The following PAIP2B variants were observed in gnomAD, a reference collection of about 807,000 sequenced individuals.
PAIP2B encodes the protein poly(A) binding protein interacting protein 2B.
PAIP2B carries 13 observed loss-of-function variants against 17.0 expected under a neutral mutation model. That is an observed-to-expected ratio of 0.76 (90% CI 0.50 to 1.22). PAIP2B has a LOEUF of 1.22. Among genes scored for constraint, PAIP2B ranks in the 50% most tolerant of loss-of-function variants. The pLI, the probability that PAIP2B is intolerant of heterozygous loss-of-function variation, is 0.00. For synonymous variants in PAIP2B, 43 were observed against 48.7 expected (o/e 0.88, Z 0.48); for missense variants, 117 against 144.5 (o/e 0.81, Z 0.98).
At chr2:71,198,619 C>T (rs1477375655) in intron 2 of PAIP2B, among the ~76,000 whole-genome samples, 3 of 152,000 alleles carry the variant, frequency 2.0e-5, no homozygotes, top group African/African-American at 7.3e-5. Context: ...GATGGGGTTT[C>T]ATCATGTTGG....
At chr2:71,191,899 C>A (rs1674696298) in intron 2 of PAIP2B, among the ~76,000 whole-genome samples, 1 of 152,206 alleles carries the variant, frequency 6.6e-6, no homozygotes, top group Non-Finnish European at 1.5e-5. Flanking sequence ...TGCGTTACTG[C>A]TGAATCTTTG....
At chr2:71,190,119 G>T in intron 2 of PAIP2B, 98 bp from the exon 3 acceptor site, 1 of 1,198,006 alleles carries the variant, frequency 8.3e-7, no homozygotes, top group African/African-American at 1.5e-5. Context: ...GTATTACTCT[G>T]CAATTAAGAA....
intron 2 of PAIP2B, among the ~76,000 whole-genome samples, chr2:71,193,836 CAAA>C (rs34132481): frequency 7.1e-6 from 1 of 141,558 alleles, no homozygotes; most frequent in African/African-American, 2.6e-5. Context: ...GACTCTGTCC[CAAA>C]AAAAAAAAAA....
chr2:71,222,417 G>A (rs1675609410), intron 1 of PAIP2B, among the ~76,000 whole-genome samples: 1 of 152,152 alleles, frequency 6.6e-6, no homozygotes, highest in Non-Finnish European at 1.5e-5. Context: ...TCTAGTAGGG[G>A]CCTTCTGTTT....
At chr2:71,221,164 A>G (rs568053743) in intron 1 of PAIP2B, among the ~76,000 whole-genome samples, 1 of 152,370 alleles carries the variant, frequency 6.6e-6, no homozygotes, top group East Asian at 1.9e-4. Context: ...GGTCATAGCT[A>G]ACTCAATTGT....
At chr2:71,206,953 C>T (rs939806127) in intron 1 of PAIP2B, among the ~76,000 whole-genome samples, 8 of 152,134 alleles carry the variant, frequency 5.3e-5, no homozygotes, top group South Asian at 2.1e-4. Flanking sequence ...CCACATGATT[C>T]GGGTTTTGCT....
chr2:71,215,380 G>C (rs1305640428), intron 1 of PAIP2B, among the ~76,000 whole-genome samples: 2 of 152,160 alleles, frequency 1.3e-5, no homozygotes, highest in African/African-American at 4.8e-5. Flanking sequence ...ATGGTCTAAA[G>C]GTGAGGCGCA....
intron 1 of PAIP2B, among the ~76,000 whole-genome samples, chr2:71,224,102 C>A (rs1675661907): frequency 6.6e-6 from 1 of 152,194 alleles, no homozygotes; most frequent in Non-Finnish European, 1.5e-5. Flanking sequence ...AGCCCTCATA[C>A]AAAGATGACC....
At chr2:71,198,265 C>T (rs914736240) in intron 2 of PAIP2B, among the ~76,000 whole-genome samples, 1 of 144,290 alleles carries the variant, frequency 6.9e-6, no homozygotes, top group Non-Finnish European at 1.5e-5. Context: ...GATACAGGTG[C>T]CTGCCACCAG....
At chr2:71,201,659 G>A (rs753428680) in intron 2 of PAIP2B, among the ~76,000 whole-genome samples, 2 of 152,164 alleles carry the variant, frequency 1.3e-5, no homozygotes, top group Admixed American at 6.5e-5. Flanking sequence ...GGGATTACAG[G>A]CATGAGCCAC....
chr2:71,217,481 T>C (rs977089030), intron 1 of PAIP2B, among the ~76,000 whole-genome samples: 3 of 152,196 alleles, frequency 2.0e-5, no homozygotes, highest in African/African-American at 7.2e-5. Flanking sequence ...ATTAAACTTT[T>C]GAATTTTTTC....
intron 1 of PAIP2B, among the ~76,000 whole-genome samples, chr2:71,203,195 C>T (rs1675030513): frequency 6.6e-6 from 1 of 152,068 alleles, no homozygotes; most frequent in South Asian, 2.1e-4. Flanking sequence ...ACACACATTT[C>T]CCAAGTATCC....
intron 1 of PAIP2B, among the ~76,000 whole-genome samples, chr2:71,213,876 A>G (rs1480976248): frequency 2.0e-5 from 3 of 152,222 alleles, no homozygotes; most frequent in Non-Finnish European, 4.4e-5. Flanking sequence ...GGGAAAGGAC[A>G]GCAACAAAAT....
At position 71,207,979 on chromosome 2, in the gene PAIP2B, G is replaced by A. The variant is rs904545380; in HGVS notation, c.-11-5379C>T. Among the ~76,000 whole-genome samples, 3 of 152,168 alleles carry A rather than the reference G, an allele frequency of 2.0e-5. No individual in the cohort carries two copies. In the East Asian group the frequency reaches 5.8e-4, roughly 29 times the overall value. On this transcript the variant is annotated intron_variant, in intron 1 of 3. Coordinates refer to ENST00000244221, the MANE Select transcript of PAIP2B (RefSeq NM_020459.1). ...TTGGCTGTATGCACCAAGAATAGGA[G>A]AAGTCTGCCTAAATATAGGAAGTTG...
rs1674492482 is a variant in PAIP2B, at chr2:71,184,810, C to T, written c.*3669G>A. Reference sequence around the variant, plus strand: ...CAAACTAATGACGTCCGCGTTATCCCAGAGGAGAGTGGCTAGGGACACTCA... The same window carrying T: ...CAAACTAATGACGTCCGCGTTATCCTAGAGGAGAGTGGCTAGGGACACTCA... On this transcript the variant is annotated 3_prime_UTR_variant, in exon 4 of 4. Coordinates refer to ENST00000244221, the MANE Select transcript of PAIP2B (RefSeq NM_020459.1). 6.6e-6 allele frequency: 1 copy of T among 150,446 alleles called. No individual in the cohort carries two copies. The highest frequency in any genetic ancestry group is 6.6e-5 in the Admixed American group (1 of 15,148). 9.3% of individuals were successfully genotyped at this position (150,446 alleles called of 1,614,324 possible). A position where few individuals can be genotyped will look rare whatever the true frequency, so the allele number is the denominator to read the frequency against.
intron 2 of PAIP2B, among the ~76,000 whole-genome samples, chr2:71,194,669 T>C (rs772559565): frequency 3.3e-5 from 5 of 152,224 alleles, no homozygotes; most frequent in Non-Finnish European, 5.9e-5. Context: ...TATAGAATCA[T>C]GTTGTCTGCA....
At chr2:71,200,424 C>T (rs1445135280) in intron 2 of PAIP2B, among the ~76,000 whole-genome samples, 4 of 152,176 alleles carry the variant, frequency 2.6e-5, no homozygotes, top group African/African-American at 7.2e-5. Context: ...GAAATACTTA[C>T]TCCTATGACC....
intron 1 of PAIP2B, among the ~76,000 whole-genome samples, chr2:71,206,134 C>T (rs527867396): frequency 1.1e-3 from 165 of 152,346 alleles, no homozygotes; most frequent in African/African-American, 3.8e-3. Flanking sequence ...ATAGCTTATA[C>T]AGGTATTCAA....
chr2:71,203,821 A>AT (rs199932534), intron 1 of PAIP2B, among the ~76,000 whole-genome samples: 10,114 of 152,044 alleles, frequency 0.067, 373 homozygotes, highest in African/African-American at 0.092. Context: ...GCCGGCCTTA[A>AT]ATTTTTCTAG....
Sources: gnomAD v4.1 joint callset for allele counts (sites outside exome capture counted in the v4.1 genomes callset) on GRCh38, gnomAD v4.1.1 for gene constraint, MANE v1.5 for transcripts, NCBI Gene and HGNC (gene_info 2026-07-23, HGNC 2026-07-21) for gene names.